Variants in MGAT4C observed in about 807,000 individuals in gnomAD.
MGAT4C encodes alpha-1,3-mannosyl-glycoprotein 4-beta-N-acetylglucosaminyltransferase C.
In MGAT4C, 19 loss-of-function variants were observed where a neutral mutation model predicts 40.1. The ratio of observed to expected loss-of-function variants is 0.47; its 90% CI spans 0.33 to 0.70. The LOEUF (loss-of-function observed/expected upper bound fraction) is 0.70, where lower values mean the gene tolerates loss of function less well. Ranked by LOEUF, MGAT4C falls within the 30% of genes least tolerant of loss-of-function variation. MGAT4C has a pLI of 0.02. For missense variants in MGAT4C, 491 were observed against 563.2 expected (o/e 0.87, Z 1.30); for synonymous variants, 181 against 187.1 (o/e 0.97, Z 0.27).
At chr12:86,639,762 A>G (rs1963326159) in intron 2 of MGAT4C, among the ~76,000 whole-genome samples, 1 of 151,698 alleles carries the variant, frequency 6.6e-6, no homozygotes, top group South Asian at 2.1e-4. Context: ...TAGATATCCA[A>G]TAGCTGTTGA....
At chr12:86,420,174 T>G (rs985356574) in intron 3 of MGAT4C, among the ~76,000 whole-genome samples, 6 of 151,878 alleles carry the variant, frequency 4.0e-5, no homozygotes, top group African/African-American at 1.5e-4. Flanking sequence ...CCCCAGGAGT[T>G]TGAGACCACC....
chr12:86,381,472 G>A (rs564683439), intron 3 of MGAT4C, among the ~76,000 whole-genome samples: 2 of 152,204 alleles, frequency 1.3e-5, no homozygotes, highest in East Asian at 1.9e-4. Context: ...TGAAGTCCAA[G>A]GAAGCAGAGG....
intron 1 of MGAT4C, among the ~76,000 whole-genome samples, chr12:86,215,707 C>G (rs895769616): frequency 3.3e-5 from 5 of 152,058 alleles, no homozygotes; most frequent in African/African-American, 1.2e-4. Context: ...ATGACTTGTT[C>G]TTTCCTCGGA....
At chr12:86,501,517 G>A (rs988540589) in intron 2 of MGAT4C, among the ~76,000 whole-genome samples, 1 of 111,326 alleles carries the variant, frequency 9.0e-6, no homozygotes, top group African/African-American at 3.5e-5. Flanking sequence ...AGGCCCCAGT[G>A]TGTGTTCTTC....
At chr12:86,173,790 T>C (rs575368753) in intron 1 of MGAT4C, among the ~76,000 whole-genome samples, 1 of 152,264 alleles carries the variant, frequency 6.6e-6, no homozygotes, top group East Asian at 1.9e-4. Context: ...GGGATTTCAC[T>C]TATATTTCTA....
intron 2 of MGAT4C, among the ~76,000 whole-genome samples, chr12:86,477,650 G>C (rs936428545): frequency 2.6e-5 from 4 of 151,858 alleles, no homozygotes; most frequent in African/African-American, 9.7e-5. Context: ...CAACGTGCAG[G>C]TTTGTTACAT....
At chr12:86,283,761 C>A (rs570061017) in intron 4 of MGAT4C, among the ~76,000 whole-genome samples, 5 of 152,180 alleles carry the variant, frequency 3.3e-5, no homozygotes, top group African/African-American at 4.8e-5. Context: ...TGACACCTGG[C>A]TACATCTCTA....
intron 2 of MGAT4C, among the ~76,000 whole-genome samples, chr12:86,612,586 C>T (rs1242225681): frequency 6.6e-6 from 1 of 151,828 alleles, no homozygotes; most frequent in Non-Finnish European, 1.5e-5. Context: ...CCCGTCTTTA[C>T]TAAAAACACA....
At chr12:86,484,877 A>C (rs1324229181) in intron 2 of MGAT4C, among the ~76,000 whole-genome samples, 3 of 152,148 alleles carry the variant, frequency 2.0e-5, no homozygotes, top group South Asian at 2.1e-4. Context: ...CCCACCAAAA[A>C]GCACCACTGT....
At chr12:86,771,419 A>G (rs1167908828) in intron 1 of MGAT4C, among the ~76,000 whole-genome samples, 1 of 152,148 alleles carries the variant, frequency 6.6e-6, no homozygotes, top group Non-Finnish European at 1.5e-5. Context: ...TGTTACAAAG[A>G]GTCTAGATTT....
chr12:86,078,036 T>C (rs1163996437), intron 1 of MGAT4C, among the ~76,000 whole-genome samples: 6 of 152,154 alleles, frequency 3.9e-5, no homozygotes, highest in Non-Finnish European at 8.8e-5. Flanking sequence ...CAAAACATAA[T>C]GTTGCGGGAA....
intron 2 of MGAT4C, among the ~76,000 whole-genome samples, chr12:86,577,514 A>C (rs571143091): frequency 6.6e-6 from 1 of 151,748 alleles, no homozygotes; most frequent in Admixed American, 6.6e-5. Flanking sequence ...TTTTTATCAT[A>C]AAGGGACATT....
At position 86,052,885 on chromosome 12, in the gene MGAT4C, T is replaced by C. The variant is rs180872732; in HGVS notation, c.-56-3162A>G. Among the ~76,000 whole-genome samples the C allele has an allele frequency of 2.0e-5, 3 of 152,106 alleles. No homozygotes were observed. In the East Asian group the frequency reaches 5.8e-4, roughly 29 times the overall value. ...CTGTCCCATCTGGAAGAAAAATATA[T>C]CTTTCATTTGTGCAAGCGGTGCCTG... On this transcript the variant is annotated intron_variant, in intron 1 of 4. Transcript: ENST00000611864.
intron 2 of MGAT4C, chr12:86,022,384 T>G (rs1047221675): frequency 6.6e-6 from 1 of 152,208 alleles, no homozygotes; most frequent in Non-Finnish European, 1.5e-5. Context: ...GCACATGGCA[T>G]TGTGCTAGAA....
At chr12:86,317,199 G>C (rs1195387153) in intron 4 of MGAT4C, among the ~76,000 whole-genome samples, 1 of 151,946 alleles carries the variant, frequency 6.6e-6, no homozygotes, top group African/African-American at 2.4e-5. Context: ...AGTTTCAGAA[G>C]AATGCCTGAA....
At chr12:86,028,635 A>G (rs1177689730) in intron 2 of MGAT4C, among the ~76,000 whole-genome samples, 2 of 151,930 alleles carry the variant, frequency 1.3e-5, no homozygotes, top group Admixed American at 6.6e-5. Flanking sequence ...CCATCTCTTT[A>G]ATTAAAATTT....
intron 4 of MGAT4C, among the ~76,000 whole-genome samples, chr12:86,325,026 T>C (rs1238740149): frequency 6.6e-6 from 1 of 152,160 alleles, no homozygotes; most frequent in Non-Finnish European, 1.5e-5. Flanking sequence ...TGACCTATTG[T>C]AGATGTTCAG....
chr12:86,519,381 T>G (rs551362086), intron 2 of MGAT4C, among the ~76,000 whole-genome samples: 11 of 152,200 alleles, frequency 7.2e-5, no homozygotes, highest in Non-Finnish European at 2.9e-5. Flanking sequence ...TGCAGATATC[T>G]CTTTGAAATA....
At chr12:86,789,469 C>G (rs561177072) in intron 1 of MGAT4C, among the ~76,000 whole-genome samples, 73 of 152,182 alleles carry the variant, frequency 4.8e-4, no homozygotes, top group Non-Finnish European at 1.0e-3. Context: ...TTTACAGTTT[C>G]AAGTCCCTAC....
Sources: gnomAD v4.1 joint callset for allele counts (sites outside exome capture counted in the v4.1 genomes callset) on GRCh38, gnomAD v4.1.1 for gene constraint, MANE v1.5 for transcripts, NCBI Gene and HGNC (gene_info 2026-07-23, HGNC 2026-07-21) for gene names.